EXT1: variants seen among roughly 807,000 people sequenced by gnomAD.
EXT1 encodes exostosin glycosyltransferase 1.
EXT1 carries 20 observed loss-of-function variants against 82.5 expected under a neutral mutation model. That is an observed-to-expected ratio of 0.24 (90% CI 0.17 to 0.35). The LOEUF (loss-of-function observed/expected upper bound fraction) is 0.35. EXT1 is among the 10% of genes least tolerant of loss of function. The pLI, the probability that EXT1 is intolerant of heterozygous loss-of-function variation, is 1.00. For synonymous variants in EXT1, 348 were observed against 350.8 expected (o/e 0.99, Z 0.09); for missense variants, 757 against 936.5 (o/e 0.81, Z 2.50).
intron 1 of EXT1, among the ~76,000 whole-genome samples, chr8:118,081,828 A>G (rs760568979): frequency 4.6e-5 from 7 of 152,220 alleles, no homozygotes; most frequent in Non-Finnish European, 8.8e-5. Flanking sequence ...GCCCCGGGGA[A>G]TTACAACTGC....
chr8:117,984,043 A>G (rs1394799546), intron 1 of EXT1, among the ~76,000 whole-genome samples: 1 of 152,250 alleles, frequency 6.6e-6, no homozygotes, highest in Non-Finnish European at 1.5e-5. Flanking sequence ...TAGATTAACA[A>G]GACAGAGAAC....
At chr8:118,110,053 ACTC>A (rs1302449701) in intron 1 of EXT1, 29 bp downstream of exon 1, 2 of 1,612,812 alleles carry the variant, frequency 1.2e-6, no homozygotes, top group Non-Finnish European at 1.7e-6. Context: ...CCCAAGGCTG[ACTC>A]CCAAAGACAC....
chr8:118,096,576 CA>C (rs1054758871), intron 1 of EXT1, among the ~76,000 whole-genome samples: 1 of 145,296 alleles, frequency 6.9e-6, no homozygotes, highest in African/African-American at 2.6e-5. Context: ...GGCCTGGCGA[CA>C]GAGCAAGACT....
chr8:117,997,791 C>A (rs1363559891), intron 1 of EXT1, among the ~76,000 whole-genome samples: 1 of 151,972 alleles, frequency 6.6e-6, no homozygotes, highest in Non-Finnish European at 1.5e-5. Context: ...ACTCTGAACC[C>A]CCATGGTTTT....
At chr8:117,999,959 TG>T in intron 1 of EXT1, among the ~76,000 whole-genome samples, 1 of 130,880 alleles carries the variant, frequency 7.6e-6, no homozygotes, top group African/African-American at 2.9e-5. Flanking sequence ...TGTATGTGCG[TG>T]TATATATATA....
chr8:117,958,288 TAGAAAC>T (rs1226406024), intron 1 of EXT1, among the ~76,000 whole-genome samples: 2 of 152,126 alleles, frequency 1.3e-5, no homozygotes, highest in African/African-American at 4.8e-5. Context: ...ACAGGAGAAA[TAGAAAC>T]AGAATGTATG....
chr8:118,073,211 A>G (rs933807642), intron 1 of EXT1, among the ~76,000 whole-genome samples: 1 of 152,244 alleles, frequency 6.6e-6, no homozygotes, highest in Non-Finnish European at 1.5e-5. Context: ...TATGTTATAC[A>G]TTAGTGACAT....
At chr8:117,873,197 C>A (rs889017133) in intron 1 of EXT1, among the ~76,000 whole-genome samples, 7 of 152,140 alleles carry the variant, frequency 4.6e-5, no homozygotes, top group African/African-American at 1.7e-4. Context: ...ACCATGTTGG[C>A]ACCCTGGTCT....
At chr8:117,937,751 A>C (rs1814195042) in intron 1 of EXT1, among the ~76,000 whole-genome samples, 1 of 152,260 alleles carries the variant, frequency 6.6e-6, no homozygotes, top group East Asian at 1.9e-4. Flanking sequence ...TGCCAGAGAG[A>C]GAGCACTGGA....
At chr8:117,801,944 T>C (rs1307467589) in intron 10 of EXT1, among the ~76,000 whole-genome samples, 3 of 152,260 alleles carry the variant, frequency 2.0e-5, no homozygotes, top group African/African-American at 7.2e-5. Flanking sequence ...TTCAGTTGAA[T>C]CATTCAGGTA....
At chr8:118,027,359 G>A (rs1001761462) in intron 1 of EXT1, among the ~76,000 whole-genome samples, 5 of 144,312 alleles carry the variant, frequency 3.5e-5, no homozygotes, top group Admixed American at 1.4e-4. Context: ...ACACACAATC[G>A]CATTTAATGC....
At chr8:118,102,343 GA>G (rs113578490) in intron 1 of EXT1, among the ~76,000 whole-genome samples, 3,877 of 127,550 alleles carry the variant, frequency 0.03, 107 homozygotes, top group African/African-American at 0.093. Context: ...CCATGGGTTA[GA>G]AAAAAAAAAA....
At chr8:117,985,003 TA>T (rs1302350051) in intron 1 of EXT1, among the ~76,000 whole-genome samples, 1 of 152,070 alleles carries the variant, frequency 6.6e-6, no homozygotes, top group East Asian at 1.9e-4. Flanking sequence ...AATCCTGAGG[TA>T]AGGTCTTTCA....
At chr8:117,822,387 T>A in intron 5 of EXT1, 78 bp downstream of exon 5, 1 of 1,505,170 alleles carries the variant, frequency 6.6e-7, no homozygotes, top group Admixed American at 1.7e-5. Context: ...CCCATTAGAG[T>A]AGAAGAATAA....
chr8:117,889,868 T>C lies in EXT1; in HGVS notation c.963-52667A>G, dbSNP rs28357268. 8.5e-5 allele frequency among the ~76,000 whole-genome samples: 13 copies of C among 152,290 alleles called. No individual in the cohort carries two copies. In the East Asian group the frequency reaches 2.3e-3, roughly 27 times the overall value. The stretch of plus-strand genomic sequence containing the variant: ...CATTATTTCACTTTACAGCATAGAA[T>C]AACCATGCGATTTAATTACTCTGCC... On this transcript the variant is annotated intron_variant, in intron 1 of 10. Transcript: ENST00000378204.
rs1563582197 is a variant in EXT1 at position 117,858,833 on chromosome 8, G to A, written c.963-21632C>T. On this transcript the variant is annotated intron_variant, in intron 1 of 10. Coordinates refer to ENST00000378204, the MANE Select transcript of EXT1 (RefSeq NM_000127.3). The stretch of plus-strand genomic sequence containing the variant: ...GGCAGGAAGGAAGGAAGGAAGGAAG[G>A]AAGGAAGGAAGGAAAGAAAGAAAGA... Among the ~76,000 whole-genome samples the A allele has an allele frequency of 6.3e-4, 31 of 49,176 alleles. 1 individual carries two copies. Among genetic ancestry groups the A allele is most frequent in the African/African-American group, 2.3e-3 (31 of 13,620 alleles). The allele number at this position is 49,176 out of a possible 152,430, so 32.3% of individuals were successfully genotyped here.
At chr8:117,908,475 C>T (rs1348517097) in intron 1 of EXT1, among the ~76,000 whole-genome samples, 1 of 151,398 alleles carries the variant, frequency 6.6e-6, no homozygotes, top group Non-Finnish European at 1.5e-5. Flanking sequence ...ACTAAAAATA[C>T]AAAAATTAGC....
intron 1 of EXT1, among the ~76,000 whole-genome samples, chr8:117,866,580 A>G (rs1217861099): frequency 6.6e-6 from 1 of 152,200 alleles, no homozygotes; most frequent in Non-Finnish European, 1.5e-5. Context: ...GTACAGGTGT[A>G]AAGTGTGATG....
chr8:117,874,768 A>G (rs1812938215), intron 1 of EXT1, among the ~76,000 whole-genome samples: 1 of 152,144 alleles, frequency 6.6e-6, no homozygotes, highest in African/African-American at 2.4e-5. Flanking sequence ...CAATGATAGA[A>G]GAAACTAGTA....
Sources: allele counts gnomAD v4.1 joint callset (sites outside exome capture counted in the v4.1 genomes callset), GRCh38; gene constraint gnomAD v4.1.1; transcripts MANE v1.5; gene names NCBI Gene and HGNC (gene_info 2026-07-23, HGNC 2026-07-21).